Variants in AIG1 observed in about 807,000 individuals in gnomAD.
AIG1 encodes the protein androgen-induced gene 1 protein.
In AIG1, 23 loss-of-function variants were observed where a neutral mutation model predicts 31.4. The observed-to-expected ratio is 0.73, with a 90% CI of 0.53 to 1.04. The LOEUF is 1.04. AIG1 is among the 50% of genes least tolerant of loss of function. The pLI, the probability that AIG1 is intolerant of heterozygous loss-of-function variation, is 0.00. For missense variants in AIG1, 274 were observed against 295.0 expected, an observed-to-expected ratio of 0.93 and a Z score of 0.52; for synonymous variants, 100 against 110.5, an observed-to-expected ratio of 0.90 and a Z score of 0.60.
chr6:143,339,356 A>T (rs954644323), intron 5 of AIG1: 22 of 236,678 alleles, frequency 9.3e-5, no homozygotes, highest in African/African-American at 5.0e-4. Flanking sequence ...ATCAACTTGA[A>T]GCCTTGTCTC....
rs559967063 is a variant in AIG1 at position 143,080,021 on chromosome 6, T to C, written c.141+18955T>C. On this transcript the variant is annotated intron_variant, in intron 1 of 5. Transcript: ENST00000357847. ...CTCTTTATACCTGATTGGCTGAGTG[T>C]GAGCTGAGTTACAAGCCCTGTGTTT... 1.6e-4 allele frequency among the ~76,000 whole-genome samples: 24 copies of C among 152,070 alleles called. No homozygotes were observed. In the East Asian group the frequency reaches 3.9e-3, roughly 24 times the overall value.
At chr6:143,067,098 C>G (rs140981348) in intron 1 of AIG1, among the ~76,000 whole-genome samples, 42 of 152,014 alleles carry the variant, frequency 2.8e-4, no homozygotes, top group African/African-American at 8.2e-4. Context: ...CCCAGGAGTT[C>G]GAGTTTGCAA....
chr6:143,214,233 C>T lies in AIG1; in HGVS notation c.399+49050C>T, dbSNP rs181711215. ...CTGGACTGAATTTAGGGTGACCAGT[C>T]GAGTCTGGAATGCTCATTGCTCTCA... On this transcript the variant is annotated intron_variant, in intron 3 of 5. Transcript: ENST00000357847. 1.8e-3 allele frequency among the ~76,000 whole-genome samples: 268 copies of T among 152,264 alleles called. 2 individuals carry two copies. Among genetic ancestry groups the T allele is most frequent in the African/African-American group, 5.9e-3 (246 of 41,544 alleles).
At position 143,240,101 on chromosome 6, in the gene AIG1, A is replaced by G. The variant is rs9373382; in HGVS notation, c.400-44009A>G. Among the ~76,000 whole-genome samples the G allele has an allele frequency of 9.5e-3, 1,444 of 152,358 alleles. 45 individuals are homozygous for G. Among genetic ancestry groups the G allele is most frequent in the East Asian group, 0.065 (339 of 5,180 alleles). On this transcript the variant is annotated intron_variant, in intron 3 of 5. Coordinates refer to ENST00000357847, the MANE Select transcript of AIG1 (RefSeq NM_016108.4). ...TAGGCGATGAAGGAACAGACTCTTC[A>G]GCCAGACCTCCTGGGTTTAAATCTC...
At chr6:143,266,780 C>CA (rs1796187466) in intron 3 of AIG1, among the ~76,000 whole-genome samples, 1 of 151,790 alleles carries the variant, frequency 6.6e-6, no homozygotes, top group Non-Finnish European at 1.5e-5. Flanking sequence ...CTCATCTCTA[C>CA]AAAAAATAAA....
chr6:143,261,929 A>G (rs1562535047), intron 3 of AIG1, among the ~76,000 whole-genome samples: 2 of 152,246 alleles, frequency 1.3e-5, no homozygotes, highest in Non-Finnish European at 2.9e-5. Context: ...TGAAAAAGCT[A>G]ATGGTTAGTT....
chr6:143,227,826 G>A (rs577483794), intron 3 of AIG1, among the ~76,000 whole-genome samples: 5 of 152,158 alleles, frequency 3.3e-5, no homozygotes, highest in East Asian at 1.9e-4. Flanking sequence ...TGGGGCCATC[G>A]AAGGACCGAG....
intron 2 of AIG1, among the ~76,000 whole-genome samples, chr6:143,156,744 C>G (rs1317457758): frequency 1.3e-5 from 2 of 152,218 alleles, no homozygotes; most frequent in Non-Finnish European, 2.9e-5. Context: ...GCAGTTGTAA[C>G]TGAGACATAC....
rs186289327 is a variant in AIG1 at position 143,092,035 on chromosome 6, T to C, written c.141+30969T>C. Among the ~76,000 whole-genome samples, 16 of 152,254 alleles carry C rather than the reference T, an allele frequency of 1.1e-4. 1 individual carries two copies. The highest frequency in any genetic ancestry group is 1.0e-3 in the Admixed American group (16 of 15,296). On this transcript the variant is annotated intron_variant, in intron 1 of 5. Coordinates refer to ENST00000357847, the MANE Select transcript of AIG1 (RefSeq NM_016108.4). ...AAATGGTGAATCCTTTCCAGAAAGTTTTCCATTTATTTTGCCCAGATCCAT... is the reference window on the plus strand; with the variant it reads ...AAATGGTGAATCCTTTCCAGAAAGTCTTCCATTTATTTTGCCCAGATCCAT...
At chr6:143,282,685 A>G (rs571665413) in intron 3 of AIG1, among the ~76,000 whole-genome samples, 69 of 152,262 alleles carry the variant, frequency 4.5e-4, no homozygotes, top group Non-Finnish European at 7.8e-4. Flanking sequence ...ATTGGCAGTC[A>G]GCACAGTTAT....
At chr6:143,088,435 C>T (rs945747686) in intron 1 of AIG1, among the ~76,000 whole-genome samples, 1 of 152,170 alleles carries the variant, frequency 6.6e-6, no homozygotes, top group Non-Finnish European at 1.5e-5. Flanking sequence ...GAGAAGAGAA[C>T]TGGTGCACTC....
intron 3 of AIG1, among the ~76,000 whole-genome samples, chr6:143,194,823 G>GGCACATCT (rs1790093406): frequency 6.6e-6 from 1 of 152,134 alleles, no homozygotes; most frequent in South Asian, 2.1e-4. Context: ...AGGCTCTCTG[G>GGCACATCT]GCACATCTGC....
At chr6:143,335,223 G>A (rs1035410835) in intron 5 of AIG1, 5 of 1,080,250 alleles carry the variant, frequency 4.6e-6, no homozygotes, top group Non-Finnish European at 4.8e-6. Context: ...TTTTGTTTTT[G>A]AATCAGTATT....
intron 3 of AIG1, among the ~76,000 whole-genome samples, chr6:143,166,164 C>A (rs1022618571): frequency 6.6e-6 from 1 of 152,112 alleles, no homozygotes; most frequent in Non-Finnish European, 1.5e-5. Context: ...TTGATCAATT[C>A]TTTCTTAAGC....
chr6:143,269,146 C>T (rs28624867), intron 3 of AIG1, among the ~76,000 whole-genome samples: 2 of 152,216 alleles, frequency 1.3e-5, no homozygotes, highest in East Asian at 3.8e-4. Context: ...GAACACTTCC[C>T]TAATAAACTT....
At chr6:143,252,263 A>G (rs1795062109) in intron 3 of AIG1, among the ~76,000 whole-genome samples, 1 of 152,018 alleles carries the variant, frequency 6.6e-6, no homozygotes, top group Middle Eastern at 3.2e-3. Flanking sequence ...GGGATTACAG[A>G]TGTGTGCCAC....
In AIG1 at chr6:143,128,331, G is replaced by A. The variant is rs534679911; in HGVS notation, c.142-8504G>A. On this transcript the variant is annotated intron_variant, in intron 1 of 5. Transcript: ENST00000357847. ...AGTTGGGGAGGTGTAGAAAAAAGAT[G>A]GAGAAGGAATTAAACAGTAGAGAAG... 7.2e-5 allele frequency among the ~76,000 whole-genome samples: 11 copies of A among 152,284 alleles called. 1 individual carries two copies. In the South Asian group the frequency reaches 1.7e-3, roughly 23 times the overall value.
chr6:143,160,573 G>A (rs1241167017), intron 2 of AIG1, among the ~76,000 whole-genome samples: 1 of 152,210 alleles, frequency 6.6e-6, no homozygotes, highest in Non-Finnish European at 1.5e-5. Flanking sequence ...GTAGGATGAG[G>A]AATAGCTGGC....
chr6:143,161,622 G>A (rs1292731332), intron 2 of AIG1, among the ~76,000 whole-genome samples: 1 of 151,134 alleles, frequency 6.6e-6, no homozygotes, highest in Non-Finnish European at 1.5e-5. Flanking sequence ...ATGTAAGGTT[G>A]GTTTGACTTT....
Sources: allele counts gnomAD v4.1 joint callset (sites outside exome capture counted in the v4.1 genomes callset), GRCh38; gene constraint gnomAD v4.1.1; transcripts MANE v1.5; gene names NCBI Gene and HGNC (gene_info 2026-07-23, HGNC 2026-07-21).